The following CDK19 variants were observed in gnomAD, a reference collection of about 807,000 sequenced individuals.
CDK19 encodes cyclin-dependent kinase 19.
Under a neutral mutation model 68.3 loss-of-function variants are expected in CDK19, and 20 were observed. The observed-to-expected ratio is 0.29, with a 90% CI of 0.21 to 0.43. The LOEUF (loss-of-function observed/expected upper bound fraction) is 0.43. CDK19 is among the 20% of genes least tolerant of loss of function. The pLI, the probability that CDK19 is intolerant of heterozygous loss-of-function variation, is 1.00. For missense variants in CDK19, 339 were observed against 623.5 expected (o/e 0.54, Z 4.86); for synonymous variants, 221 against 222.8 (o/e 0.99, Z 0.07).
chr6:110,711,706 G>A (rs1208416789), intron 2 of CDK19, among the ~76,000 whole-genome samples: 1 of 152,256 alleles, frequency 6.6e-6, no homozygotes, highest in Non-Finnish European at 1.5e-5. Context: ...AGTGGCTCAC[G>A]CCTGCAATCC....
At chr6:110,626,724 G>A in intron 8 of CDK19, 52 bp downstream of exon 8, 1 of 1,078,026 alleles carries the variant, frequency 9.3e-7, no homozygotes, top group South Asian at 1.5e-5. Context: ...CCCAGTCTAA[G>A]GTATTTTTTT....
intron 1 of CDK19, among the ~76,000 whole-genome samples, chr6:110,788,165 G>A (rs868256391): frequency 6.6e-6 from 1 of 151,132 alleles, no homozygotes; most frequent in Non-Finnish European, 1.5e-5. Flanking sequence ...TGTTGTTGTT[G>A]TTTGTTTGTT....
chr6:110,806,165 C>T (rs1175308832), intron 1 of CDK19, among the ~76,000 whole-genome samples: 1 of 151,640 alleles, frequency 6.6e-6, no homozygotes, highest in East Asian at 1.9e-4. Flanking sequence ...CATGATGAAA[C>T]CCCGTTTCTA....
At chr6:110,618,469 T>C (rs2114594698) in intron 12 of CDK19, among the ~76,000 whole-genome samples, 1 of 152,286 alleles carries the variant, frequency 6.6e-6, no homozygotes, top group East Asian at 1.9e-4. Flanking sequence ...TCCCCTTTCT[T>C]GAGTTGTGTA....
At chr6:110,773,922 G>A (rs571326310) in intron 1 of CDK19, 1 of 152,182 alleles carries the variant, frequency 6.6e-6, no homozygotes. Flanking sequence ...GTCCATACAC[G>A]AAGCCCTCCT....
Position 110,768,878 on chromosome 6 carries a change from C to T in CDK19, c.129-22677G>A, listed in dbSNP as rs139396516. On this transcript the variant is annotated intron_variant, in intron 1 of 12. Transcript: ENST00000368911. ...AGAGCAAACCCAAATGAAGGCCAGGCATGGTGGCTCAAGCCTGTAATCCTA... is the reference window on the plus strand; with the variant it reads ...AGAGCAAACCCAAATGAAGGCCAGGTATGGTGGCTCAAGCCTGTAATCCTA... 5.9e-4 allele frequency among the ~76,000 whole-genome samples: 90 copies of T among 152,136 alleles called. No individual in the cohort carries two copies. The East Asian group carries it at 0.015, about 25-fold the overall frequency.
intron 1 of CDK19, among the ~76,000 whole-genome samples, chr6:110,806,164 AC>A (rs1782667009): frequency 1.3e-5 from 2 of 151,476 alleles, no homozygotes; most frequent in Non-Finnish European, 1.5e-5. Flanking sequence ...ACATGATGAA[AC>A]CCCGTTTCTA....
At position 110,658,272 on chromosome 6, in the gene CDK19, AAC is replaced by A. The variant is rs1156307325; in HGVS notation, c.456+9160_456+9161del. Among the ~76,000 whole-genome samples the A allele has an allele frequency of 1.1e-4, 17 of 152,206 alleles. 1 individual carries two copies. The highest frequency in any genetic ancestry group is 7.3e-5 in the Non-Finnish European group (5 of 68,038). ...TTAGGAACCAGAGGTCACTGGCAGGAACACTAGTATGATTCTTCAGCATGACA... is the reference window on the plus strand; with the variant it reads ...TTAGGAACCAGAGGTCACTGGCAGGAACTAGTATGATTCTTCAGCATGACA... On this transcript the variant is annotated intron_variant, in intron 4 of 12. Transcript: ENST00000368911.
At chr6:110,712,789 A>G in intron 2 of CDK19, among the ~76,000 whole-genome samples, 1 of 152,252 alleles carries the variant, frequency 6.6e-6, no homozygotes, top group South Asian at 2.1e-4. Flanking sequence ...ATTAGTGCCA[A>G]TAGAACAGAA....
intron 1 of CDK19, among the ~76,000 whole-genome samples, chr6:110,772,986 C>G: frequency 6.7e-6 from 1 of 148,158 alleles, no homozygotes; most frequent in East Asian, 2.0e-4. Context: ...GAGGCTAAGG[C>G]GGGCAGATCG....
chr6:110,625,633 A>G (rs182632935), intron 8 of CDK19, among the ~76,000 whole-genome samples: 1 of 152,292 alleles, frequency 6.6e-6, no homozygotes, highest in African/African-American at 2.4e-5. Context: ...ACTGAGTAAG[A>G]TACATATTGG....
intron 1 of CDK19, among the ~76,000 whole-genome samples, chr6:110,806,795 T>G (rs1165880293): frequency 1.3e-5 from 2 of 151,666 alleles, no homozygotes; most frequent in Non-Finnish European, 2.9e-5. Context: ...CTGGCCAACA[T>G]GGTGAACACT....
chr6:110,790,244 T>C (rs1583107815), intron 1 of CDK19, among the ~76,000 whole-genome samples: 1 of 152,196 alleles, frequency 6.6e-6, no homozygotes, highest in Non-Finnish European at 1.5e-5. Context: ...TTTAATTATA[T>C]AGGTTCTTAG....
chr6:110,733,383 C>G (rs535816064), intron 2 of CDK19, among the ~76,000 whole-genome samples: 2 of 152,094 alleles, frequency 1.3e-5, no homozygotes, highest in Admixed American at 6.6e-5. Context: ...TTGTTTGGGG[C>G]TATTATGAAT....
chr6:110,724,285 GC>G (rs767889286), intron 2 of CDK19, among the ~76,000 whole-genome samples: 1 of 152,144 alleles, frequency 6.6e-6, no homozygotes. Flanking sequence ...AACCCGGGAG[GC>G]GGAGGATGCA....
At position 110,717,613 on chromosome 6, in the gene CDK19, C is replaced by T. The variant is rs117472318; in HGVS notation, c.204+28513G>A. 2.8e-4 allele frequency among the ~76,000 whole-genome samples: 42 copies of T among 152,220 alleles called. No individual in the cohort carries two copies. The East Asian group carries it at 7.9e-3, about 29-fold the overall frequency. ...AGTCAAAAAGGAAAATTCCTGGTTA[C>T]TATGGTTTTATTAAGAAGTGGGGCC... On this transcript the variant is annotated intron_variant, in intron 2 of 12. Coordinates refer to ENST00000368911, the MANE Select transcript of CDK19 (RefSeq NM_015076.5).
At chr6:110,777,694 C>T (rs555079264) in intron 1 of CDK19, among the ~76,000 whole-genome samples, 2 of 152,316 alleles carry the variant, frequency 1.3e-5, no homozygotes, top group East Asian at 3.9e-4. Flanking sequence ...CTTCTATACC[C>T]ATGTTTGTAG....
At position 110,713,389 on chromosome 6, in the gene CDK19, G is replaced by A. The variant is rs566548328; in HGVS notation, c.204+32737C>T. 1.9e-4 allele frequency among the ~76,000 whole-genome samples: 27 copies of A among 140,206 alleles called. No individual in the cohort carries two copies. In the Middle Eastern group the frequency reaches 0.011, roughly 59 times the overall value. The allele number at this position is 140,206 out of a possible 152,430, so 92.0% of individuals were successfully genotyped here. A position where few individuals can be genotyped will look rare whatever the true frequency, so the allele number is the denominator to read the frequency against. On this transcript the variant is annotated intron_variant, in intron 2 of 12. Coordinates refer to ENST00000368911, the MANE Select transcript of CDK19 (RefSeq NM_015076.5). Reference sequence around the variant, plus strand: ...GGAGCTTGCAGGGAGCTGAGATCGCGCCACTGCACTCCAGCCTGGGTGACA... The same window carrying A: ...GGAGCTTGCAGGGAGCTGAGATCGCACCACTGCACTCCAGCCTGGGTGACA...
Position 110,639,864 on chromosome 6 carries a change from C to T in CDK19, c.457-1158G>A, listed in dbSNP as rs376306933. The stretch of plus-strand genomic sequence containing the variant: ...CCATCATGGCAGAGTAGAGGAAGGG[C>T]AAGGACACCATAGGAAGTGGAAAAA... On this transcript the variant is annotated intron_variant, in intron 4 of 12. Coordinates refer to ENST00000368911, the MANE Select transcript of CDK19 (RefSeq NM_015076.5). Among the ~76,000 whole-genome samples, 4 of 151,974 alleles carry T rather than the reference C, an allele frequency of 2.6e-5. No individual in the cohort carries two copies. In the South Asian group the frequency reaches 8.3e-4, roughly 32 times the overall value.
Sources: gnomAD v4.1 joint callset for allele counts (sites outside exome capture counted in the v4.1 genomes callset) on GRCh38, gnomAD v4.1.1 for gene constraint, MANE v1.5 for transcripts, NCBI Gene and HGNC (gene_info 2026-07-23, HGNC 2026-07-21) for gene names.